EEA1: variants seen among roughly 807,000 people sequenced by gnomAD.
EEA1 encodes the protein early endosome antigen 1.
In EEA1, 111 loss-of-function variants were observed where a neutral mutation model predicts 209.2. That is an observed-to-expected ratio of 0.53 (90% CI 0.45 to 0.62). The LOEUF (loss-of-function observed/expected upper bound fraction) is 0.62, where lower values mean the gene tolerates loss of function less well. Ranked by LOEUF, EEA1 falls within the 20% of genes least tolerant of loss-of-function variation. The probability of loss-of-function intolerance (pLI) is 0.00; values close to 1 mark genes in which losing one functional copy is unlikely to be tolerated. For missense variants in EEA1, 1,343 were observed against 1,530.8 expected, an observed-to-expected ratio of 0.88 and a Z score of 2.05; for synonymous variants, 536 against 540.6, an observed-to-expected ratio of 0.99 and a Z score of 0.12.
intron 2 of EEA1, among the ~76,000 whole-genome samples, chr12:92,873,906 T>C (rs1438894864): frequency 1.3e-5 from 2 of 152,204 alleles, no homozygotes; most frequent in Non-Finnish European, 2.9e-5. Flanking sequence ...AAGGAGATTA[T>C]CCAGGGGATG....
At chr12:92,848,018 A>G (rs73362482) in intron 9 of EEA1, among the ~76,000 whole-genome samples, 2,566 of 151,968 alleles carry the variant, frequency 0.017, 32 homozygotes, top group East Asian at 0.04. Context: ...TCATCACTAC[A>G]TATCTATTAA....
At chr12:92,922,369 C>T (rs564457178) in intron 1 of EEA1, among the ~76,000 whole-genome samples, 1 of 152,320 alleles carries the variant, frequency 6.6e-6, no homozygotes, top group Non-Finnish European at 1.5e-5. Flanking sequence ...TATTCTTTCT[C>T]CATCCCCAAA....
rs1192559884 is a variant in EEA1 at position 92,910,612 on chromosome 12, TGAAA to T, written c.24+18427_24+18430del. Among the ~76,000 whole-genome samples the T allele has an allele frequency of 2.6e-5, 4 of 152,196 alleles. No homozygotes were observed. The East Asian group carries it at 5.8e-4, about 22-fold the overall frequency. On this transcript the variant is annotated intron_variant, in intron 1 of 28. Transcript: ENST00000322349. ...GGTAGAACACCAAAGGCGCAATCCA[TGAAA>T]GAAAGAATTAATAAGCTGGACTTCA...
At chr12:92,825,459 C>CA (rs112372498) in intron 13 of EEA1, among the ~76,000 whole-genome samples, 36,991 of 123,714 alleles carry the variant, frequency 0.3, 5,123 homozygotes, top group Non-Finnish European at 0.36. Flanking sequence ...CACTCCGTCT[C>CA]AAAAAAAAAA....
chr12:92,874,111 G>A (rs1196082050), intron 2 of EEA1, among the ~76,000 whole-genome samples: 1 of 151,856 alleles, frequency 6.6e-6, no homozygotes, highest in Non-Finnish European at 1.5e-5. Flanking sequence ...CTAGGAATTT[G>A]AGACCTGCCT....
chr12:92,813,302 A>G (rs1383956412), intron 15 of EEA1, among the ~76,000 whole-genome samples: 2 of 152,218 alleles, frequency 1.3e-5, no homozygotes, highest in African/African-American at 4.8e-5. Flanking sequence ...TGGATAAATA[A>G]TAAAAAGATA....
At chr12:92,876,937 G>C (rs1434502416) in intron 2 of EEA1, among the ~76,000 whole-genome samples, 3 of 144,322 alleles carry the variant, frequency 2.1e-5, no homozygotes, top group Non-Finnish European at 4.6e-5. Context: ...CATTAACCTG[G>C]GTGTTGTTTT....
intron 18 of EEA1, among the ~76,000 whole-genome samples, chr12:92,805,961 C>A (rs938866022): frequency 3.3e-5 from 5 of 151,948 alleles, no homozygotes; most frequent in Non-Finnish European, 5.9e-5. Flanking sequence ...TAATTTATTC[C>A]ATCTGTGGCA....
At chr12:92,904,693 A>C (rs1880296744) in intron 1 of EEA1, among the ~76,000 whole-genome samples, 1 of 152,212 alleles carries the variant, frequency 6.6e-6, no homozygotes, top group Admixed American at 6.5e-5. Flanking sequence ...CAAAGAACTC[A>C]GGGAAACATT....
chr12:92,896,941 A>G (rs2251463), intron 1 of EEA1, among the ~76,000 whole-genome samples: 137,029 of 152,080 alleles, frequency 0.9, 61,963 homozygotes, highest in East Asian at 0.96. Context: ...TTGGGAGGCC[A>G]AAGAAGGAGG....
intron 18 of EEA1, among the ~76,000 whole-genome samples, chr12:92,803,954 A>G (rs534990301): frequency 1.4e-4 from 22 of 152,314 alleles, no homozygotes; most frequent in Admixed American, 6.5e-4. Context: ...AAACAGAAAT[A>G]GAGGCTTACA....
chr12:92,855,096 T>C (rs1743696394), intron 5 of EEA1, among the ~76,000 whole-genome samples: 1 of 151,488 alleles, frequency 6.6e-6, no homozygotes, highest in African/African-American at 2.4e-5. Context: ...AGTTAAAACA[T>C]GCTATCAAGC....
At chr12:92,813,522 T>A (rs1875625405) in intron 15 of EEA1, among the ~76,000 whole-genome samples, 2 of 152,196 alleles carry the variant, frequency 1.3e-5, no homozygotes, top group South Asian at 4.1e-4. Flanking sequence ...GCCAGACAAC[T>A]GGCACTTTGT....
chr12:92,845,375 G>GA (rs963529120), intron 9 of EEA1, among the ~76,000 whole-genome samples: 1 of 151,938 alleles, frequency 6.6e-6, no homozygotes, highest in Non-Finnish European at 1.5e-5. Context: ...TATATTTGGG[G>GA]AAAAAATAAA....
chr12:92,780,343 T>A lies in EEA1; in HGVS notation c.3405A>T (p.Arg1135Ser), dbSNP rs770408540. The A allele has an allele frequency of 1.2e-6, 2 of 1,603,210 alleles. No individual in the cohort carries two copies. The highest frequency in any genetic ancestry group is 1.7e-6 in the Non-Finnish European group (2 of 1,175,180). Residue 1135 changes from arginine (R) to serine (S), a missense_variant, in exon 24 of 29, where the codon AGA becomes AGT. Arg to Ser is a moderately radical substitution (Grantham distance 110). Coordinates refer to ENST00000322349, the MANE Select transcript of EEA1 (RefSeq NM_003566.4). ...KLAEIEEIKC[R>S]QEKEITKLNE... ...TTAGTTTAGTGATTTCTTTTTCTTG[T>A]CTACATTTAATTTCTTCTATCTCTG...
chr12:92,909,851 A>G (rs1880512557), intron 1 of EEA1, among the ~76,000 whole-genome samples: 1 of 152,012 alleles, frequency 6.6e-6, no homozygotes, highest in South Asian at 2.1e-4. Flanking sequence ...ACCCCGCCTT[A>G]ATAAATTTAG....
chr12:92,821,573 G>A (rs1366516303), intron 13 of EEA1, among the ~76,000 whole-genome samples: 1 of 151,976 alleles, frequency 6.6e-6, no homozygotes, highest in African/African-American at 2.4e-5. Context: ...CAAATTTCTG[G>A]TTCCGGTTTC....
chr12:92,870,851 A>G (rs1406644929), intron 2 of EEA1, among the ~76,000 whole-genome samples: 1 of 151,746 alleles, frequency 6.6e-6, no homozygotes, highest in African/African-American at 2.4e-5. Context: ...TAGTTTTTGT[A>G]TTTTTAGTAG....
chr12:92,829,467 A>T (rs1344301843), intron 11 of EEA1, among the ~76,000 whole-genome samples: 1 of 152,078 alleles, frequency 6.6e-6, no homozygotes, highest in Non-Finnish European at 1.5e-5. Flanking sequence ...TCACTCACTA[A>T]AACATAGGCA....
Sources: allele counts gnomAD v4.1 joint callset (sites outside exome capture counted in the v4.1 genomes callset), GRCh38; gene constraint gnomAD v4.1.1; transcripts MANE v1.5; gene names NCBI Gene and HGNC (gene_info 2026-07-23, HGNC 2026-07-21).